DPP9: variants seen among roughly 807,000 people sequenced by gnomAD.
The protein encoded by DPP9 is dipeptidyl peptidase IV-related protein-2.
In DPP9, 50 loss-of-function variants were observed where a neutral mutation model predicts 110.7. That is an observed-to-expected ratio of 0.45 (90% CI 0.36 to 0.57). The LOEUF is 0.57. Among genes scored for constraint, DPP9 ranks in the 20% least tolerant of loss-of-function variants. DPP9 has a pLI of 0.00. For missense variants in DPP9, 1,022 were observed against 1,217.9 expected (o/e 0.84, Z 2.39); for synonymous variants, 561 against 514.4 (o/e 1.09, Z -1.23).
Position 4,704,323 on chromosome 19 carries a change from C to G in DPP9, c.427-19G>C, listed in dbSNP as rs766879068. ...GCGTGGCCTGGAAACATACAGGGGA[C>G]AGGGGGCAGCGTCAGTGGGCAAAGA... On this transcript the variant is annotated intron_variant, in intron 5 of 21. Coordinates refer to ENST00000262960, the MANE Select transcript of DPP9 (RefSeq NM_139159.5). The surrounding 1 kb of genome is among the most constrained non-coding windows in gnomAD (Gnocchi z 6.0). 1.1e-5 allele frequency: 18 copies of G among 1,596,634 alleles called. No homozygotes were observed. The highest frequency in any genetic ancestry group is 1.5e-5 in the Non-Finnish European group (18 of 1,170,046).
Position 4,688,797 on chromosome 19 carries a change from G to A in DPP9, c.1845C>T (p.His615=), listed in dbSNP as rs556545434. Residue 615 remains histidine (H), a synonymous_variant, in exon 16 of 22, where the codon CAC becomes CAT. Transcript: ENST00000262960. ...KLSGPDDDPL[H]KQPRFWASMM... Reference sequence around the variant, plus strand: ...TGCTAGCCCAGAAGCGGGGCTGCTTGTGCAGGGGGTCGTCGTCGGGGCCGC... The same window carrying A: ...TGCTAGCCCAGAAGCGGGGCTGCTTATGCAGGGGGTCGTCGTCGGGGCCGC... The A allele has an allele frequency of 2.0e-5, 29 of 1,479,054 alleles. No individual in the cohort carries two copies. In the African/African-American group the frequency reaches 3.8e-4, roughly 20 times the overall value. The allele number at this position is 1,479,054 out of a possible 1,614,324, so 91.6% of individuals were successfully genotyped here.
chr19:4,684,581 G>A lies in DPP9; in HGVS notation c.2178+82C>T, dbSNP rs188090282. 204 of 1,528,272 alleles carry A rather than the reference G, an allele frequency of 1.3e-4. 1 individual carries two copies. In the African/African-American group the frequency reaches 2.6e-3, roughly 19 times the overall value. The allele number at this position is 1,528,272 out of a possible 1,614,324, so 94.7% of individuals were successfully genotyped here. On this transcript the variant is annotated intron_variant, in intron 18 of 21. Transcript: ENST00000262960. The surrounding 1 kb of genome is among the most constrained non-coding windows in gnomAD (Gnocchi z 4.8). ...CTTCTGCGGGTGGTATTCCAGAGCC[G>A]CTCCCATGCCCTGCACCCACACGGC...
rs569207000 is a variant in DPP9 at position 4,719,863 on chromosome 19, C to G, written c.44G>C (p.Gly15Ala). 6.4e-7 allele frequency: 1 copy of G among 1,551,652 alleles called. No individual in the cohort carries two copies. The highest frequency in any genetic ancestry group is 2.0e-5 in the Admixed American group (1 of 50,996). The change falls in exon 3 of 22, where the codon GGA (glycine) becomes GCA (alanine). Residue 15 changes from glycine (G) to alanine (A), a missense_variant. Around this residue, in one of 3 missense-constraint regions of DPP9, gnomAD observed 810 missense variants for 920.6 expected, o/e 0.88. Coordinates refer to ENST00000262960, the MANE Select transcript of DPP9 (RefSeq NM_139159.5). ...KKLRLDKENTGSWRSFSLNSE... is the reference protein window; with the variant it reads ...KKLRLDKENTASWRSFSLNSE... ...AGGCCAACCTCACCTTCTCCAACTT[C>G]CGGTGTTCTCCTTGTCCAGGCGCAG...
At chr19:4,696,904 A>G (rs1414970689) in intron 11 of DPP9, among the ~76,000 whole-genome samples, 1 of 152,198 alleles carries the variant, frequency 6.6e-6, no homozygotes, top group Non-Finnish European at 1.5e-5. Flanking sequence ...TAAGAGGCAT[A>G]GGAATGCAAA....
Position 4,685,305 on chromosome 19 carries a change from T to C in DPP9, c.2031+321A>G, listed in dbSNP as rs368693594. 3.5e-6 allele frequency: 2 copies of C among 563,800 alleles called. No individual in the cohort carries two copies. 34.9% of individuals were successfully genotyped at this position (563,800 alleles called of 1,614,324 possible). ...CTGCTTTTGACCCCTGCTCCAGGAA[T>C]TGGGCCCAGGGCCCATGGCCACCTC... On this transcript the variant is annotated intron_variant, in intron 17 of 21. Transcript: ENST00000262960. The surrounding 1 kb of genome is among the most constrained non-coding windows in gnomAD (Gnocchi z 5.8).
intron 18 of DPP9, 34 bp from the exon 19 acceptor site, chr19:4,683,663 T>G (rs753461830): frequency 5.6e-6 from 9 of 1,613,064 alleles, no homozygotes; most frequent in Non-Finnish European, 7.6e-6. Context: ...CTCAGTGGCC[T>G]CCTCCCGGTA....
intron 2 of DPP9, among the ~76,000 whole-genome samples, chr19:4,721,062 G>A (rs1346569777): frequency 5.9e-5 from 9 of 151,988 alleles, no homozygotes; most frequent in Non-Finnish European, 1.5e-5. Context: ...GGGGATAACC[G>A]GCCCCCCCAG....
intron 2 of DPP9, among the ~76,000 whole-genome samples, chr19:4,720,175 C>A (rs1258869552): frequency 6.6e-6 from 1 of 152,234 alleles, no homozygotes; most frequent in African/African-American, 2.4e-5. Flanking sequence ...AGGTTCCTTT[C>A]AAGGTGTAAA....
Position 4,688,785 on chromosome 19 carries a change from GCGGGGCTGCTTGTGCAGGGGGTCGTCGT to G in DPP9, c.1829_1856del (p.Asp610AlafsTer6). The G allele has an allele frequency of 1.4e-6, 2 of 1,468,008 alleles. No individual in the cohort carries two copies. The highest frequency in any genetic ancestry group is 9.0e-7 in the Non-Finnish European group (1 of 1,115,494). 90.9% of individuals were successfully genotyped at this position (1,468,008 alleles called of 1,614,324 possible). ...CTGCCTCCATCATGCTAGCCCAGAA[GCGGGGCTGCTTGTGCAGGGGGTCGTCGT>G]CGGGGCCGCTCAGCTTGTAGACGTG... On this transcript the variant is annotated frameshift_variant, in exon 16 of 22. Transcript: ENST00000262960. LOFTEE classifies it high-confidence loss of function.
At position 4,682,602 on chromosome 19, in the gene DPP9, C is replaced by G; in HGVS notation, c.2474+94G>C. ...TGGCCTGAGGCTCCCTGGGCAGGGC[C>G]AGCTGGGGCAGGAGGGCACCCTCAT... On this transcript the variant is annotated intron_variant, in intron 20 of 21. Coordinates refer to ENST00000262960, the MANE Select transcript of DPP9 (RefSeq NM_139159.5). The surrounding 1 kb of genome is among the most constrained non-coding windows in gnomAD (Gnocchi z 7.1). 6.6e-7 allele frequency: 1 copy of G among 1,522,384 alleles called. No homozygotes were observed. Among genetic ancestry groups the G allele is most frequent in the Non-Finnish European group, 8.8e-7 (1 of 1,133,080 alleles). 94.3% of individuals were successfully genotyped at this position (1,522,384 alleles called of 1,614,324 possible). A position where few individuals can be genotyped will look rare whatever the true frequency, so the allele number is the denominator to read the frequency against.
chr19:4,676,677 G>A lies in DPP9; in HGVS notation c.2587-21C>T. ...TAGATCTGCGGGGAGACAGGAGGCA[G>A]GGCTGGGGGGCGTGGCCGGACCACC... On this transcript the variant is annotated intron_variant, in intron 21 of 21. Coordinates refer to ENST00000262960, the MANE Select transcript of DPP9 (RefSeq NM_139159.5). The surrounding 1 kb of genome is among the most constrained non-coding windows in gnomAD (Gnocchi z 4.0). 1.3e-6 allele frequency: 2 copies of A among 1,578,426 alleles called. No individual in the cohort carries two copies. Among genetic ancestry groups the A allele is most frequent in the Non-Finnish European group, 1.7e-6 (2 of 1,161,026 alleles).
At chr19:4,691,473 C>CAAAA (rs546841302) in intron 13 of DPP9, among the ~76,000 whole-genome samples, 3 of 119,560 alleles carry the variant, frequency 2.5e-5, no homozygotes, top group Admixed American at 8.8e-5. Context: ...GAACCCGTCT[C>CAAAA]AAAAAAAAAA....
Position 4,684,764 on chromosome 19 carries a change from G to A in DPP9, c.2077C>T (p.Leu693Phe), listed in dbSNP as rs781170174. 6.2e-7 allele frequency: 1 copy of A among 1,604,692 alleles called. No individual in the cohort carries two copies. Among genetic ancestry groups the A allele is most frequent in the Non-Finnish European group, 8.5e-7 (1 of 1,175,940 alleles). ...TAGCCCAGGGAGGCCAGTGTGTTGA[G>A]CCGCAAGTACTTGATGCCTTTGAAG... The part of the protein sequence containing the change: ...NSFKGIKYLR[L>F]NTLASLGYAV... Residue 693 changes from leucine (L) to phenylalanine (F), a missense_variant, in exon 18 of 22, where the codon CTC (leucine) becomes TTC (phenylalanine). By Grantham distance (22) the Leu-to-Phe change is conservative. Transcript: ENST00000262960. This position sits in a 1 kb window ranked among gnomAD's most constrained non-coding sequence, Gnocchi z 4.8.
At chr19:4,707,961 A>G (rs1268246612) in intron 4 of DPP9, among the ~76,000 whole-genome samples, 1 of 152,074 alleles carries the variant, frequency 6.6e-6, no homozygotes, top group African/African-American at 2.4e-5. Context: ...GGAAGGCCAC[A>G]AGCTCGCCGC....
At position 4,703,946 on chromosome 19, in the gene DPP9, C is replaced by T. The variant is rs1355176955; in HGVS notation, c.709G>A (p.Asp237Asn). 6.8e-6 allele frequency: 11 copies of T among 1,613,472 alleles called. No homozygotes were observed. Among genetic ancestry groups the T allele is most frequent in the Admixed American group, 1.7e-5 (1 of 59,898 alleles). ...GTCTCGATGTTGGCCACCCACAGGT[C>T]GCTGTTATTGATGAAGGAGAAGAAG... ...PAFFSFINNS[D>N]LWVANIETGE... Residue 237 changes from aspartate to asparagine, a missense_variant, in exon 7 of 22, where the codon GAC becomes AAC. Around this residue, in one of 3 missense-constraint regions of DPP9, gnomAD observed 810 missense variants for 920.6 expected, o/e 0.88. Coordinates refer to ENST00000262960, the MANE Select transcript of DPP9 (RefSeq NM_139159.5).
chr19:4,712,257 G>T (rs990329182), intron 4 of DPP9, among the ~76,000 whole-genome samples: 1 of 152,172 alleles, frequency 6.6e-6, no homozygotes, highest in African/African-American at 2.4e-5. Flanking sequence ...CATTCTTAAA[G>T]GCCCAGACAG....
rs775850291 is a variant in DPP9 at position 4,683,469 on chromosome 19, G to A, written c.2331+8C>T. On this transcript the variant is annotated splice_region_variant and intron_variant, in intron 19 of 21. Transcript: ENST00000262960. ...GCGTGGCTGAGGCCGGCCAGGGGTG[G>A]GACCCACCTTGAACACCTGGGGCTT... 5.0e-6 allele frequency: 8 copies of A among 1,612,678 alleles called. No individual in the cohort carries two copies. In the Admixed American group the frequency reaches 1.0e-4, roughly 20 times the overall value.
At chr19:4,688,505 G>A (rs1041665318) in intron 16 of DPP9, 7 of 411,462 alleles carry the variant, frequency 1.7e-5, no homozygotes, top group Admixed American at 9.0e-5. Flanking sequence ...GGGTTGGCAC[G>A]GAGCTGCATC....
intron 14 of DPP9, among the ~76,000 whole-genome samples, chr19:4,690,432 G>A (rs942312019): frequency 4.6e-5 from 7 of 152,210 alleles, no homozygotes; most frequent in African/African-American, 1.2e-4. Flanking sequence ...ACCCTAAGAC[G>A]TGAAGAAACT....
Sources: gnomAD v4.1 joint callset for allele counts (sites outside exome capture counted in the v4.1 genomes callset) on GRCh38, gnomAD v4.1.1 for gene constraint, gnomAD v4.1.1 regional missense constraint, Gnocchi (gnomAD v3.1) non-coding constraint, MANE v1.5 for transcripts, NCBI Gene and HGNC (gene_info 2026-07-23, HGNC 2026-07-21) for gene names.